Variants in CFAP20DC observed in about 807,000 individuals in gnomAD.
The protein encoded by CFAP20DC is CFAP20 domain containing.
A neutral mutation model predicts 101.7 loss-of-function variants in CFAP20DC; 84 were observed. The ratio of observed to expected loss-of-function variants is 0.83; its 90% CI spans 0.69 to 0.99. CFAP20DC has a LOEUF of 0.99. Among genes scored for constraint, CFAP20DC ranks in the 50% least tolerant of loss-of-function variants. The pLI is 0.00. For synonymous variants in CFAP20DC, 359 were observed against 351.2 expected (o/e 1.02, Z -0.25); for missense variants, 1,007 against 970.3 (o/e 1.04, Z -0.50).
rs1317348374 is a variant in CFAP20DC at position 58,722,260 on chromosome 3, T to G, written c.198-4632A>C. The stretch of plus-strand genomic sequence containing the variant: ...CCAAGTGTTCAGTCACCCCCACCCC[T>G]TTGAGCCTTTCCAGCTGAGGTCCCA... On this transcript the variant is annotated intron_variant, in intron 3 of 3. Coordinates refer to the CFAP20DC transcript ENST00000486145. This position sits in a 1 kb window ranked among gnomAD's most constrained non-coding sequence, Gnocchi z 4.5. Among the ~76,000 whole-genome samples, 1 of 152,128 alleles carries G rather than the reference T, an allele frequency of 6.6e-6. No homozygotes were observed. Among genetic ancestry groups the G allele is most frequent in the Non-Finnish European group, 1.5e-5 (1 of 68,026 alleles).
intron 6 of CFAP20DC, among the ~76,000 whole-genome samples, chr3:58,885,918 T>C (rs2081588374): frequency 6.6e-6 from 1 of 152,148 alleles, no homozygotes; most frequent in Non-Finnish European, 1.5e-5. Flanking sequence ...GCAATAAACA[T>C]GGGAGTGCAG....
At chr3:59,017,763 T>G (rs1172918188) in intron 4 of CFAP20DC, 1 of 152,080 alleles carries the variant, frequency 6.6e-6, no homozygotes, top group Non-Finnish European at 1.5e-5. Flanking sequence ...TTCACCTAAA[T>G]GGAATGCTCA....
chr3:58,940,587 T>C (rs1438112668), intron 4 of CFAP20DC, among the ~76,000 whole-genome samples: 2 of 152,204 alleles, frequency 1.3e-5, no homozygotes, highest in Non-Finnish European at 1.5e-5. Context: ...ACCATAAATA[T>C]ATGTGTGTGA....
At chr3:59,042,279 G>C (rs1162345540) in intron 3 of CFAP20DC, among the ~76,000 whole-genome samples, 1 of 152,048 alleles carries the variant, frequency 6.6e-6, no homozygotes, top group Non-Finnish European at 1.5e-5. Flanking sequence ...GACAGAAGAG[G>C]AAATGCAGCA....
At chr3:58,780,551 C>A in intron 15 of CFAP20DC, among the ~76,000 whole-genome samples, 1 of 151,054 alleles carries the variant, frequency 6.6e-6, no homozygotes, top group East Asian at 1.9e-4. Flanking sequence ...AGAATCTCAT[C>A]TTATCTGTAA....
At chr3:58,942,202 C>T (rs867835022) in intron 4 of CFAP20DC, among the ~76,000 whole-genome samples, 5 of 152,020 alleles carry the variant, frequency 3.3e-5, no homozygotes, top group Non-Finnish European at 7.4e-5. Flanking sequence ...ACTTTGTATT[C>T]TTGGAGGAAA....
chr3:59,040,449 T>C (rs932011691), intron 3 of CFAP20DC, among the ~76,000 whole-genome samples: 2 of 152,054 alleles, frequency 1.3e-5, no homozygotes, highest in African/African-American at 4.8e-5. Context: ...AACAGATGTT[T>C]TTAGTATGAC....
chr3:58,981,435 C>G (rs1457992617), intron 4 of CFAP20DC, among the ~76,000 whole-genome samples: 1 of 152,182 alleles, frequency 6.6e-6, no homozygotes, highest in Non-Finnish European at 1.5e-5. Flanking sequence ...CCGGAGGCAT[C>G]ACACTACCTG....
rs1401795048 is a variant in CFAP20DC at position 58,762,407 on chromosome 3, C to A, written c.2238-8544G>T. ...TTTGCTTGGTAGATCTCCCTCCATC[C>A]TTTTATTTTGAGCCTGTGTGTGTCT... On this transcript the variant is annotated intron_variant, in intron 15 of 16. Coordinates refer to ENST00000482387, the MANE Select transcript of CFAP20DC (RefSeq NM_001394063.1). Among the ~76,000 whole-genome samples, 3 of 152,072 alleles carry A rather than the reference C, an allele frequency of 2.0e-5. No individual in the cohort carries two copies. In the East Asian group the frequency reaches 5.8e-4, roughly 29 times the overall value.
At chr3:58,922,286 A>C (rs1160239061) in intron 5 of CFAP20DC, among the ~76,000 whole-genome samples, 1 of 152,078 alleles carries the variant, frequency 6.6e-6, no homozygotes, top group Non-Finnish European at 1.5e-5. Flanking sequence ...CTCTATTCCT[A>C]CAATCTTTTG....
At chr3:58,935,130 CAG>C (rs1357324399) in intron 5 of CFAP20DC, among the ~76,000 whole-genome samples, 1 of 152,160 alleles carries the variant, frequency 6.6e-6, no homozygotes, top group African/African-American at 2.4e-5. Flanking sequence ...ATACCAATAA[CAG>C]ACAATCAGAG....
intron 4 of CFAP20DC, among the ~76,000 whole-genome samples, chr3:58,949,956 A>C (rs1365178848): frequency 1.3e-5 from 2 of 152,192 alleles, no homozygotes; most frequent in African/African-American, 4.8e-5. Flanking sequence ...AAGGGCATTC[A>C]ATTAGGAAAA....
At chr3:58,966,973 C>A (rs1293504614) in intron 4 of CFAP20DC, among the ~76,000 whole-genome samples, 1 of 152,160 alleles carries the variant, frequency 6.6e-6, no homozygotes, top group Admixed American at 6.5e-5. Flanking sequence ...TTTAATCTAT[C>A]CCTATCAGAA....
intron 4 of CFAP20DC, among the ~76,000 whole-genome samples, chr3:58,978,089 A>G (rs1021133685): frequency 6.6e-6 from 1 of 152,164 alleles, no homozygotes; most frequent in Non-Finnish European, 1.5e-5. Flanking sequence ...AGGCCTGCAT[A>G]GCTCTTTGTT....
intron 5 of CFAP20DC, among the ~76,000 whole-genome samples, chr3:58,931,858 G>C (rs1432824181): frequency 6.6e-6 from 1 of 152,206 alleles, no homozygotes; most frequent in Non-Finnish European, 1.5e-5. Context: ...ACTCTAAAAA[G>C]CAGAGCACCT....
At chr3:58,807,530 C>A (rs907859054) in intron 14 of CFAP20DC, among the ~76,000 whole-genome samples, 2 of 152,204 alleles carry the variant, frequency 1.3e-5, no homozygotes, top group Admixed American at 1.3e-4. Context: ...GGAAAACTAA[C>A]AAACAGAAAG....
chr3:58,833,236 C>T (rs1422525097), intron 13 of CFAP20DC, among the ~76,000 whole-genome samples: 2 of 152,118 alleles, frequency 1.3e-5, no homozygotes, highest in Non-Finnish European at 2.9e-5. Context: ...CCAGTGGAAA[C>T]TCAGTTAAAT....
chr3:58,917,333 T>A (rs1304399942), intron 5 of CFAP20DC, among the ~76,000 whole-genome samples: 2 of 152,106 alleles, frequency 1.3e-5, no homozygotes, highest in African/African-American at 2.4e-5. Context: ...AAATAATAAA[T>A]CCTTGGGAGC....
chr3:58,903,296 C>G (rs1576231850), intron 6 of CFAP20DC, among the ~76,000 whole-genome samples: 1 of 151,994 alleles, frequency 6.6e-6, no homozygotes, highest in East Asian at 1.9e-4. Flanking sequence ...ATATTTAGGT[C>G]AAGGAAACAT....
Sources: gnomAD v4.1 joint callset for allele counts (sites outside exome capture counted in the v4.1 genomes callset) on GRCh38, gnomAD v4.1.1 for gene constraint, Gnocchi (gnomAD v3.1) non-coding constraint, MANE v1.5 for transcripts, NCBI Gene and HGNC (gene_info 2026-07-23, HGNC 2026-07-21) for gene names.